The following ITGBL1 variants were observed in gnomAD, a reference collection of about 807,000 sequenced individuals.
The protein encoded by ITGBL1 is integrin beta-like protein 1.
A neutral mutation model predicts 68.5 loss-of-function variants in ITGBL1; 51 were observed. The ratio of observed to expected loss-of-function variants is 0.74; its 90% CI spans 0.59 to 0.94. The LOEUF (loss-of-function observed/expected upper bound fraction) is 0.94. Among genes scored for constraint, ITGBL1 ranks in the 40% least tolerant of loss-of-function variants. ITGBL1 has a pLI of 0.00. For synonymous variants in ITGBL1, 209 were observed against 227.3 expected (o/e 0.92, Z 0.72); for missense variants, 649 against 647.4 (o/e 1.00, Z -0.03).
intron 2 of ITGBL1, among the ~76,000 whole-genome samples, chr13:101,516,518 T>C (rs2049197880): frequency 6.6e-6 from 1 of 152,114 alleles, no homozygotes; most frequent in Non-Finnish European, 1.5e-5. Flanking sequence ...ATCCACAATA[T>C]CGCAACTAGT....
chr13:101,458,072 G>T (rs2048268319), intron 2 of ITGBL1, among the ~76,000 whole-genome samples: 1 of 152,134 alleles, frequency 6.6e-6, no homozygotes, highest in African/African-American at 2.4e-5. Flanking sequence ...TATTTTCTAG[G>T]CTCTGTCCTG....
intron 8 of ITGBL1, among the ~76,000 whole-genome samples, chr13:101,696,243 G>T (rs1027112065): frequency 6.6e-6 from 1 of 152,104 alleles, no homozygotes; most frequent in African/African-American, 2.4e-5. Context: ...GGAGATTGGT[G>T]GCAAGTGTCA....
At chr13:101,679,436 ACT>A (rs1399577254) in intron 7 of ITGBL1, among the ~76,000 whole-genome samples, 2 of 152,210 alleles carry the variant, frequency 1.3e-5, no homozygotes, top group East Asian at 3.9e-4. Flanking sequence ...GAAATCCATA[ACT>A]GTGTTTCGAA....
intron 2 of ITGBL1, among the ~76,000 whole-genome samples, chr13:101,477,723 G>A (rs2048558290): frequency 1.3e-5 from 2 of 151,962 alleles, no homozygotes; most frequent in Non-Finnish European, 2.9e-5. Flanking sequence ...AGAAAACCTG[G>A]AAGAAATGGA....
intron 2 of ITGBL1, among the ~76,000 whole-genome samples, chr13:101,487,506 TTAATA>T (rs1361688481): frequency 6.6e-6 from 1 of 152,234 alleles, no homozygotes; most frequent in African/African-American, 2.4e-5. Context: ...GACAAAATAT[TTAATA>T]TAAATCAATG....
intron 7 of ITGBL1, among the ~76,000 whole-genome samples, chr13:101,605,678 T>A (rs1039123831): frequency 6.6e-6 from 1 of 151,412 alleles, no homozygotes; most frequent in Non-Finnish European, 1.5e-5. Flanking sequence ...ATGTATGTGT[T>A]TATGCGTATA....
chr13:101,504,390 G>C (rs548007410), intron 2 of ITGBL1, among the ~76,000 whole-genome samples: 1 of 152,222 alleles, frequency 6.6e-6, no homozygotes, highest in East Asian at 1.9e-4. Context: ...ATTTTACACT[G>C]ATTCTCAGAA....
chr13:101,649,339 G>A (rs2139448198), intron 7 of ITGBL1, among the ~76,000 whole-genome samples: 1 of 152,192 alleles, frequency 6.6e-6, no homozygotes, highest in Admixed American at 6.5e-5. Context: ...CCTGAAATCA[G>A]CAACTTGCAT....
intron 7 of ITGBL1, among the ~76,000 whole-genome samples, chr13:101,641,270 G>A (rs1019575574): frequency 6.6e-6 from 1 of 152,190 alleles, no homozygotes; most frequent in South Asian, 2.1e-4. Context: ...GTCAAGTAAT[G>A]GTTGTTAAAT....
intron 2 of ITGBL1, among the ~76,000 whole-genome samples, chr13:101,468,853 G>A (rs981343621): frequency 2.0e-5 from 3 of 152,154 alleles, no homozygotes; most frequent in Non-Finnish European, 2.9e-5. Context: ...TGTAGTTGAA[G>A]TTTTTAGAGA....
Position 101,579,443 on chromosome 13 carries a change from A to G in ITGBL1, c.727+16A>G, listed in dbSNP as rs187463764. The stretch of plus-strand genomic sequence containing the variant: ...AGTAACAGAGGTGTGTCATTCATAC[A>G]TGTTACTACATAATGGGGAGGCAAA... On this transcript the variant is annotated intron_variant, in intron 5 of 10. Transcript: ENST00000376180. 1,172 of 1,611,642 alleles carry G rather than the reference A, an allele frequency of 7.3e-4. 1 individual carries two copies. Among genetic ancestry groups the G allele is most frequent in the Middle Eastern group, 2.8e-3 (17 of 6,040 alleles).
intron 2 of ITGBL1, among the ~76,000 whole-genome samples, chr13:101,531,114 A>G (rs1036885540): frequency 1.3e-5 from 2 of 152,210 alleles, no homozygotes; most frequent in South Asian, 4.1e-4. Context: ...AGTTTATGAA[A>G]TTTAACTGAA....
At chr13:101,597,307 G>GT (rs777764905) in intron 6 of ITGBL1, among the ~76,000 whole-genome samples, 1 of 151,342 alleles carries the variant, frequency 6.6e-6, no homozygotes, top group Non-Finnish European at 1.5e-5. Context: ...TGTTAATTAT[G>GT]TCTACTGGGC....
In ITGBL1 at chr13:101,598,269, G is replaced by C. The variant is rs975835979; in HGVS notation, c.985G>C (p.Gly329Arg). 8.1e-6 allele frequency: 13 copies of C among 1,612,976 alleles called. No individual in the cohort carries two copies. The highest frequency in any genetic ancestry group is 6.7e-5 in the African/African-American group (5 of 74,884). Residue 329 changes from glycine to arginine, a missense_variant, in exon 7 of 11, where the codon GGA (glycine) becomes CGA (arginine). Transcript: ENST00000376180. ...SAEESIRKCQGSSDLPCSGRG... is the reference protein window; with the variant it reads ...SAEESIRKCQRSSDLPCSGRG... ...TGAGGAGAGCATCAGGAAGTGCCAG[G>C]GAAGCTCGGATCTGCCTTGCTCTGG...
At chr13:101,464,098 T>C (rs558961214) in intron 2 of ITGBL1, among the ~76,000 whole-genome samples, 7 of 151,836 alleles carry the variant, frequency 4.6e-5, no homozygotes, top group African/African-American at 1.7e-4. Context: ...TAGTAGAGAC[T>C]GGGTTGGCCA....
intron 2 of ITGBL1, among the ~76,000 whole-genome samples, chr13:101,513,978 T>C (rs1391907941): frequency 1.3e-5 from 2 of 152,094 alleles, no homozygotes; most frequent in Non-Finnish European, 2.9e-5. Context: ...GTTTATTCAA[T>C]GTGAATTTCA....
At chr13:101,684,371 T>C (rs2033707107) in intron 7 of ITGBL1, among the ~76,000 whole-genome samples, 1 of 151,966 alleles carries the variant, frequency 6.6e-6, no homozygotes, top group Admixed American at 6.6e-5. Context: ...CATAATTGGC[T>C]TTTAAGCTTT....
chr13:101,673,960 C>A (rs2033438580), intron 7 of ITGBL1, among the ~76,000 whole-genome samples: 1 of 152,102 alleles, frequency 6.6e-6, no homozygotes, highest in Non-Finnish European at 1.5e-5. Context: ...AAAATCTAAC[C>A]ACAGAATGAT....
chr13:101,474,509 G>A, intron 2 of ITGBL1, among the ~76,000 whole-genome samples: 1 of 152,134 alleles, frequency 6.6e-6, no homozygotes, highest in East Asian at 1.9e-4. Context: ...TGCCCTGAAG[G>A]GAGGAACACA....
Sources: allele counts gnomAD v4.1 joint callset (sites outside exome capture counted in the v4.1 genomes callset), GRCh38; gene constraint gnomAD v4.1.1; transcripts MANE v1.5; gene names NCBI Gene and HGNC (gene_info 2026-07-23, HGNC 2026-07-21).